Variants in CIMAP2 observed in about 807,000 individuals in gnomAD.
CIMAP2 encodes the protein ciliary microtubule-associated protein 2.
the CIMAP2 span, chr1:54,811,765 G>GCCGGGGGGGGGGGCGCC: frequency 7.7e-7 from 1 of 1,301,330 alleles, no homozygotes. Flanking sequence ...GGTTCTGACA[G>GCCGGGGGGGGGGGCGCC]CCTCCATGCC....
the CIMAP2 span, chr1:54,811,765 G>GCCGGGGGGGGGGGGGGCCCCCC: frequency 1.2e-5 from 15 of 1,301,300 alleles, no homozygotes; most frequent in East Asian, 5.0e-5. Context: ...GGTTCTGACA[G>GCCGGGGGGGGGGGGGGCCCCCC]CCTCCATGCC....
At chr1:54,807,998 G>A in the CIMAP2 span, 13 of 1,579,738 alleles carry the variant, frequency 8.2e-6, no homozygotes, top group South Asian at 3.5e-5. Context: ...GTTCGCTTCC[G>A]AGGACTCACT....
chr1:54,820,132 T>C, the CIMAP2 span, among the ~76,000 whole-genome samples: 19,421 of 75,224 alleles, frequency 0.26, 2,251 homozygotes, highest in African/African-American at 0.4. Context: ...CTTTCTTTCT[T>C]TCTTTCTCTC....
chr1:54,825,809 G>A, the CIMAP2 span, among the ~76,000 whole-genome samples: 3 of 151,596 alleles, frequency 2.0e-5, no homozygotes, highest in East Asian at 1.9e-4. Flanking sequence ...TCTAGCCCCT[G>A]AGTAGTGCAT....
chr1:54,824,978 ATG>A, the CIMAP2 span, among the ~76,000 whole-genome samples: 1 of 140,420 alleles, frequency 7.1e-6, no homozygotes, highest in East Asian at 2.1e-4. Flanking sequence ...CTGTGTTCAT[ATG>A]TGTGCATCTA....
chr1:54,839,495 A>C, the CIMAP2 span, among the ~76,000 whole-genome samples: 98 of 152,056 alleles, frequency 6.4e-4, no homozygotes, highest in Middle Eastern at 6.8e-3. Context: ...CTCTTGTCTC[A>C]GCCTCCTGAG....
chr1:54,807,648 C>A, the CIMAP2 span: 1 of 1,610,496 alleles, frequency 6.2e-7, no homozygotes, highest in Non-Finnish European at 8.5e-7. Context: ...CCCAGCTACC[C>A]CACTTCCAGT....
chr1:54,811,765 G>GCCGGGGGGGCCCCCCC, the CIMAP2 span: 3 of 1,301,330 alleles, frequency 2.3e-6, no homozygotes, highest in Non-Finnish European at 3.3e-6. Context: ...GGTTCTGACA[G>GCCGGGGGGGCCCCCCC]CCTCCATGCC....
chr1:54,811,494 G>A, the CIMAP2 span, among the ~76,000 whole-genome samples: 2 of 152,190 alleles, frequency 1.3e-5, no homozygotes, highest in Non-Finnish European at 2.9e-5. Context: ...TGCTTGAGGA[G>A]CAGCAAGAAG....
chr1:54,816,737 G>A, the CIMAP2 span, among the ~76,000 whole-genome samples: 3 of 152,262 alleles, frequency 2.0e-5, no homozygotes, highest in Non-Finnish European at 4.4e-5. Context: ...AGTCACATTG[G>A]AAGAAGGGCC....
chr1:54,831,803 G>A, the CIMAP2 span, among the ~76,000 whole-genome samples: 1 of 152,156 alleles, frequency 6.6e-6, no homozygotes, highest in Non-Finnish European at 1.5e-5. Context: ...GAACAAAGAT[G>A]AGTATTTAAT....
the CIMAP2 span, chr1:54,811,774 C>CA: frequency 1.3e-5 from 6 of 476,570 alleles, no homozygotes; most frequent in Admixed American, 2.7e-5. Flanking sequence ...AGCCTCCATG[C>CA]CCCCACCCCC....
chr1:54,808,990 G>GTTTAGCATCCCTCCCCCA, the CIMAP2 span, among the ~76,000 whole-genome samples: 2 of 147,038 alleles, frequency 1.4e-5, no homozygotes, highest in Admixed American at 6.8e-5. Context: ...TCTTGTGTGT[G>GTTTAGCATCCCTCCCCCA]ACTGGACAGC....
At chr1:54,833,842 T>C in the CIMAP2 span, among the ~76,000 whole-genome samples, 1 of 96,954 alleles carries the variant, frequency 1.0e-5, no homozygotes, top group Non-Finnish European at 2.3e-5. Flanking sequence ...TGATTTGTTC[T>C]TTTTTTTTTA....
the CIMAP2 span, among the ~76,000 whole-genome samples, chr1:54,829,727 G>T: frequency 6.6e-6 from 1 of 152,078 alleles, no homozygotes; most frequent in African/African-American, 2.4e-5. Flanking sequence ...TCTTCTGAAT[G>T]TTCCTTTGAT....
At chr1:54,830,559 C>T in the CIMAP2 span, among the ~76,000 whole-genome samples, 1 of 152,188 alleles carries the variant, frequency 6.6e-6, no homozygotes. The surrounding 1 kb of genome is among the most constrained non-coding windows in gnomAD (Gnocchi z 4.1). Flanking sequence ...ATGATTTCAG[C>T]TATGCCTGGT....
the CIMAP2 span, chr1:54,816,908 C>T: frequency 4.6e-6 from 7 of 1,536,488 alleles, no homozygotes; most frequent in Admixed American, 1.8e-5. Context: ...AGTAGGGAAG[C>T]GTCCAAGGGG....
the CIMAP2 span, among the ~76,000 whole-genome samples, chr1:54,838,943 G>A: frequency 6.7e-6 from 1 of 150,290 alleles, no homozygotes; most frequent in Non-Finnish European, 1.5e-5. Context: ...ATTGGGGGGA[G>A]TAGACTCTAC....
the CIMAP2 span, among the ~76,000 whole-genome samples, chr1:54,822,288 G>C: frequency 0.2 from 29,867 of 151,674 alleles, 3,027 homozygotes; most frequent in East Asian, 0.34. Context: ...TGTCTTGTTC[G>C]ACTCTTATTT....
Sources: allele counts gnomAD v4.1 joint callset (sites outside exome capture counted in the v4.1 genomes callset), GRCh38; gene constraint gnomAD v4.1.1; non-coding constraint Gnocchi (gnomAD v3.1); transcripts MANE v1.5; gene names NCBI Gene and HGNC (gene_info 2026-07-23, HGNC 2026-07-21).